The following GRIK3 variants were observed in gnomAD, a reference collection of about 807,000 sequenced individuals.
GRIK3 encodes glutamate ionotropic receptor kainate type subunit 3.
GRIK3 carries 29 observed loss-of-function variants against 102.5 expected under a neutral mutation model. That is an observed-to-expected ratio of 0.28 (90% CI 0.21 to 0.39). The LOEUF (loss-of-function observed/expected upper bound fraction) is 0.39. GRIK3 is among the 10% of genes least tolerant of loss of function. The probability of loss-of-function intolerance (pLI) is 1.00; values close to 1 mark genes in which losing one functional copy is unlikely to be tolerated. For synonymous variants in GRIK3, 511 were observed against 504.9 expected (o/e 1.01, Z -0.16); for missense variants, 908 against 1,252.4 (o/e 0.73, Z 4.15).
At chr1:36,864,204 T>C (rs1640758308) in intron 5 of GRIK3, among the ~76,000 whole-genome samples, 1 of 151,944 alleles carries the variant, frequency 6.6e-6, no homozygotes, top group Admixed American at 6.6e-5. Flanking sequence ...AGACTGGAAG[T>C]TTAGGAGAGG....
intron 1 of GRIK3, among the ~76,000 whole-genome samples, chr1:36,941,346 G>T (rs373169249): frequency 1.4e-4 from 21 of 152,340 alleles, no homozygotes; most frequent in South Asian, 6.2e-4. Flanking sequence ...TTATCTGTTG[G>T]CTGATTCCCT....
chr1:37,023,337 AAAAG>A (rs1277728952), intron 1 of GRIK3, among the ~76,000 whole-genome samples: 5 of 152,000 alleles, frequency 3.3e-5, no homozygotes, highest in Admixed American at 6.5e-5. Context: ...AAAAAAAAAA[AAAAG>A]AAAGAAAGAA....
At chr1:36,902,132 T>C (rs549956269) in intron 1 of GRIK3, among the ~76,000 whole-genome samples, 17 of 152,332 alleles carry the variant, frequency 1.1e-4, no homozygotes, top group African/African-American at 4.1e-4. Context: ...GAAAAGTCAA[T>C]TATTTTCAAG....
intron 1 of GRIK3, among the ~76,000 whole-genome samples, chr1:36,990,970 G>A (rs891728793): frequency 6.6e-6 from 1 of 152,112 alleles, no homozygotes; most frequent in Non-Finnish European, 1.5e-5. Context: ...GTGGCTTCAG[G>A]GCCCCACCCC....
At chr1:36,882,657 C>G (rs564784658) in intron 2 of GRIK3, among the ~76,000 whole-genome samples, 17 of 152,266 alleles carry the variant, frequency 1.1e-4, no homozygotes, top group African/African-American at 3.9e-4. Context: ...CAGTCAGAGC[C>G]AGTGGGATGC....
At chr1:36,997,696 A>C (rs1347270013) in intron 1 of GRIK3, among the ~76,000 whole-genome samples, 2 of 152,126 alleles carry the variant, frequency 1.3e-5, no homozygotes, top group Non-Finnish European at 2.9e-5. Context: ...CAGTCTGAGG[A>C]GTGCCGTGGT....
chr1:36,965,060 G>A (rs1362671651), intron 1 of GRIK3, among the ~76,000 whole-genome samples: 1 of 152,184 alleles, frequency 6.6e-6, no homozygotes, highest in Admixed American at 6.5e-5. Flanking sequence ...GCCGTGGAGT[G>A]GAAGGCGTGT....
At chr1:36,974,329 ATTAG>A (rs1222601039) in intron 1 of GRIK3, among the ~76,000 whole-genome samples, 1 of 152,212 alleles carries the variant, frequency 6.6e-6, no homozygotes, top group African/African-American at 2.4e-5. Context: ...TTAATCCTTT[ATTAG>A]TTATGTACCT....
At chr1:36,906,206 G>A (rs965261300) in intron 1 of GRIK3, among the ~76,000 whole-genome samples, 2 of 152,204 alleles carry the variant, frequency 1.3e-5, no homozygotes, top group African/African-American at 2.4e-5. Flanking sequence ...TAGCACATGT[G>A]TGGTGCTCCA....
chr1:37,022,972 TG>T (rs1448667804), intron 1 of GRIK3, among the ~76,000 whole-genome samples: 1 of 152,170 alleles, frequency 6.6e-6, no homozygotes, highest in South Asian at 2.1e-4. Flanking sequence ...GGTTGAGAAA[TG>T]CTTCCTGGAG....
intron 1 of GRIK3, among the ~76,000 whole-genome samples, chr1:37,029,619 T>A (rs1642799732): frequency 6.6e-6 from 1 of 152,160 alleles, no homozygotes; most frequent in Non-Finnish European, 1.5e-5. Context: ...GCCTTATACT[T>A]CTCTCAAGAG....
intron 1 of GRIK3, among the ~76,000 whole-genome samples, chr1:36,999,450 G>T (rs1442445706): frequency 6.6e-6 from 1 of 152,112 alleles, no homozygotes; most frequent in African/African-American, 2.4e-5. Context: ...CTTCCCACTT[G>T]CCTCCTGAAA....
At chr1:36,853,771 T>C (rs747977433) in intron 7 of GRIK3, 49 bp from the exon 8 acceptor site, 1 of 983,692 alleles carries the variant, frequency 1.0e-6, no homozygotes. Flanking sequence ...TTATAAATCA[T>C]CATTCGGTAC....
chr1:37,031,052 G>A (rs913745295), intron 1 of GRIK3, among the ~76,000 whole-genome samples: 3 of 152,090 alleles, frequency 2.0e-5, no homozygotes, highest in Admixed American at 6.5e-5. Context: ...ACTGAAGCCC[G>A]TTTGGCTGAG....
chr1:36,946,983 AGAG>A (rs1369640185), intron 1 of GRIK3, among the ~76,000 whole-genome samples: 1 of 152,174 alleles, frequency 6.6e-6, no homozygotes, highest in Non-Finnish European at 1.5e-5. Context: ...AGATGAAAGC[AGAG>A]GAGAAGCCCA....
intron 1 of GRIK3, among the ~76,000 whole-genome samples, chr1:37,017,369 T>TAAAAAA (rs774819790): frequency 7.8e-4 from 38 of 48,494 alleles, no homozygotes; most frequent in Middle Eastern, 0.012. Flanking sequence ...CCCTGTCTCT[T>TAAAAAA]AAAAAAAAAA....
intron 1 of GRIK3, among the ~76,000 whole-genome samples, chr1:36,907,184 C>T (rs1641293020): frequency 1.3e-5 from 2 of 152,100 alleles, no homozygotes; most frequent in African/African-American, 4.8e-5. Context: ...AAAAGCACCT[C>T]AGGGCCTGGG....
At chr1:36,825,406 G>A (rs1307988650) in intron 11 of GRIK3, among the ~76,000 whole-genome samples, 197 bp downstream of exon 11, 2 of 152,054 alleles carry the variant, frequency 1.3e-5, no homozygotes, top group Non-Finnish European at 2.9e-5. Context: ...ATTCAAGCGT[G>A]GGGGTGGGGA....
chr1:37,019,119 G>T (rs1238750268), intron 1 of GRIK3, among the ~76,000 whole-genome samples: 1 of 152,176 alleles, frequency 6.6e-6, no homozygotes, highest in Non-Finnish European at 1.5e-5. Context: ...TATGTCCCTT[G>T]GAGACTTACA....
Sources: gnomAD v4.1 joint callset for allele counts (sites outside exome capture counted in the v4.1 genomes callset) on GRCh38, gnomAD v4.1.1 for gene constraint, MANE v1.5 for transcripts, NCBI Gene and HGNC (gene_info 2026-07-23, HGNC 2026-07-21) for gene names.